The following STXBP4 variants were observed in gnomAD, a reference collection of about 807,000 sequenced individuals.
STXBP4 encodes the protein syntaxin-binding protein 4.
Under a neutral mutation model 76.1 loss-of-function variants are expected in STXBP4, and 55 were observed. That is an observed-to-expected ratio of 0.72 (90% CI 0.58 to 0.91). The LOEUF is 0.91. Among genes scored for constraint, STXBP4 ranks in the 40% least tolerant of loss-of-function variants. The pLI, the probability that STXBP4 is intolerant of heterozygous loss-of-function variation, is 0.00. For synonymous variants in STXBP4, 201 were observed against 220.2 expected (o/e 0.91, Z 0.77); for missense variants, 618 against 636.9 (o/e 0.97, Z 0.32).
intron 1 of STXBP4, among the ~76,000 whole-genome samples, chr17:54,978,767 A>G (rs545581739): frequency 6.8e-4 from 104 of 152,312 alleles, no homozygotes; most frequent in Middle Eastern, 3.4e-3. Flanking sequence ...AACTTAAAGA[A>G]GGAAATAAAA....
At chr17:55,050,744 T>A (rs1350276807) in intron 12 of STXBP4, among the ~76,000 whole-genome samples, 2 of 152,302 alleles carry the variant, frequency 1.3e-5, no homozygotes, top group East Asian at 3.9e-4. Context: ...CTCAGCTCAC[T>A]GCAACCTCCA....
chr17:55,115,192 C>G (rs2079767154), intron 16 of STXBP4, among the ~76,000 whole-genome samples: 3 of 151,780 alleles, frequency 2.0e-5, no homozygotes, highest in Admixed American at 1.3e-4. Context: ...CTGAAGGAAA[C>G]AGACCACTGT....
the STXBP4 span, among the ~76,000 whole-genome samples, chr17:55,197,760 A>T: frequency 1.5e-3 from 228 of 152,092 alleles, 8 homozygotes; most frequent in South Asian, 0.045. Context: ...AAAAAGAAGA[A>T]AAAAGAAAAA....
At chr17:55,080,957 G>C (rs1002669278) in intron 15 of STXBP4, 93 bp from the exon 16 acceptor site, 7 of 1,182,710 alleles carry the variant, frequency 5.9e-6, no homozygotes, top group Admixed American at 6.4e-5. Flanking sequence ...AAATATTTTT[G>C]TACAAATCTA....
rs928343823 is a variant in STXBP4, at chr17:55,162,326, C to T, written c.*2415C>T. The T allele has an allele frequency of 4.6e-5, 7 of 152,166 alleles. No individual in the cohort carries two copies. Among genetic ancestry groups the T allele is most frequent in the African/African-American group, 1.4e-4 (6 of 41,442 alleles). The allele number at this position is 152,166 out of a possible 1,614,324, so 9.4% of individuals were successfully genotyped here. On this transcript the variant is annotated 3_prime_UTR_variant, in exon 18 of 18. Coordinates refer to ENST00000376352, the MANE Select transcript of STXBP4 (RefSeq NM_178509.6). ...CAGTCTTTCTTTAACATCAATCAAC[C>T]GTAGCAATGTGGTCATCACGAAGTC... is the stretch of plus-strand genomic sequence containing the variant.
chr17:55,061,204 G>A (rs1009550428), intron 12 of STXBP4, among the ~76,000 whole-genome samples: 3 of 152,176 alleles, frequency 2.0e-5, no homozygotes, highest in African/African-American at 4.8e-5. Flanking sequence ...TTCAGATGAA[G>A]CAACAAAGGA....
Position 54,997,784 on chromosome 17 carries a change from A to T in STXBP4, c.181-1561A>T, listed in dbSNP as rs149501885. Among the ~76,000 whole-genome samples, 208 of 145,084 alleles carry T rather than the reference A, an allele frequency of 1.4e-3. 6 individuals carry two copies. The East Asian group carries it at 0.038, about 27-fold the overall frequency. On this transcript the variant is annotated intron_variant, in intron 4 of 17. Transcript: ENST00000376352. ...TTTTTTTTTTTGAAAGATGGGGTCT[A>T]ACTATGTTGCCCAGGCTGGTCTTGA...
At chr17:55,180,746 CA>C in the STXBP4 span, among the ~76,000 whole-genome samples, 9 of 152,164 alleles carry the variant, frequency 5.9e-5, no homozygotes, top group Admixed American at 2.6e-4. Context: ...TGTGATATGA[CA>C]GAAAGCCTCC....
chr17:55,013,200 G>A (rs951223777), intron 8 of STXBP4, among the ~76,000 whole-genome samples: 2 of 152,198 alleles, frequency 1.3e-5, no homozygotes, highest in Admixed American at 1.3e-4. Flanking sequence ...GCCATGGGTT[G>A]CAAGCTTGTC....
chr17:55,145,219 C>G (rs961767315), intron 17 of STXBP4, among the ~76,000 whole-genome samples: 4 of 152,102 alleles, frequency 2.6e-5, no homozygotes, highest in African/African-American at 9.7e-5. Context: ...TCTTACTACC[C>G]CAACAAAAAA....
chr17:55,193,786 G>T, the STXBP4 span, among the ~76,000 whole-genome samples: 2 of 124,748 alleles, frequency 1.6e-5, no homozygotes, highest in Admixed American at 9.4e-5. Context: ...TCCTCTGCTT[G>T]TCTTTGCCTT....
chr17:55,156,974 T>G (rs1015205329), intron 17 of STXBP4, among the ~76,000 whole-genome samples: 2 of 152,210 alleles, frequency 1.3e-5, no homozygotes, highest in African/African-American at 4.8e-5. Context: ...TTGATTATTT[T>G]AAATTAGCAA....
At position 55,072,883 on chromosome 17, in the gene STXBP4, A is replaced by T. The variant is rs1256470219; in HGVS notation, c.1012-17A>T. 6.3e-7 allele frequency: 1 copy of T among 1,575,148 alleles called. No individual in the cohort carries two copies. Among genetic ancestry groups the T allele is most frequent in the Non-Finnish European group, 8.6e-7 (1 of 1,163,790 alleles). On this transcript the variant is annotated splice_polypyrimidine_tract_variant and intron_variant, in intron 12 of 17. Transcript: ENST00000376352. Reference sequence around the variant, plus strand: ...TCTTATGTATTTTTTAAATGACATTAATTTTGAAATCTTTAGGAAGCCAAA... The same window carrying T: ...TCTTATGTATTTTTTAAATGACATTTATTTTGAAATCTTTAGGAAGCCAAA...
At chr17:55,026,485 G>A (rs1358358228) in intron 8 of STXBP4, among the ~76,000 whole-genome samples, 1 of 152,036 alleles carries the variant, frequency 6.6e-6, no homozygotes, top group Non-Finnish European at 1.5e-5. Flanking sequence ...ATAAAACCCC[G>A]AAACCCTTTG....
chr17:55,205,433 AG>A, the STXBP4 span, among the ~76,000 whole-genome samples: 2 of 152,176 alleles, frequency 1.3e-5, no homozygotes, highest in African/African-American at 4.8e-5. Context: ...AACAAATGAC[AG>A]ATTTGTCTAC....
intron 16 of STXBP4, among the ~76,000 whole-genome samples, chr17:55,121,124 G>A (rs1223187807): frequency 2.0e-5 from 3 of 152,122 alleles, no homozygotes; most frequent in Non-Finnish European, 4.4e-5. Context: ...GGAAGATTCA[G>A]TACCCTCAAA....
chr17:54,982,597 TGTGTG>T (rs2077566007), intron 1 of STXBP4, among the ~76,000 whole-genome samples: 1 of 16,080 alleles, frequency 6.2e-5, no homozygotes, highest in African/African-American at 1.2e-3. Flanking sequence ...GGGTGGTTTG[TGTGTG>T]TGTGTGTGTG....
At chr17:55,085,265 G>A (rs1222246749) in intron 16 of STXBP4, among the ~76,000 whole-genome samples, 1 of 152,066 alleles carries the variant, frequency 6.6e-6, no homozygotes, top group Non-Finnish European at 1.5e-5. Flanking sequence ...GCTAGATGAC[G>A]AGTTAGTGGG....
rs368190561 is a variant in STXBP4 at position 55,073,007 on chromosome 17, G to A, written c.1119G>A (p.Val373=). 13 of 1,613,860 alleles carry A rather than the reference G, an allele frequency of 8.1e-6. No homozygotes were observed. The highest frequency in any genetic ancestry group is 2.2e-5 in the East Asian group (1 of 44,866). ...AHGMEMDYEE[V]IRLLEAKITE... ...GAATGGAAATGGACTATGAAGAAGT[G>A]ATCCGTCTGTTAGAGGCCAAGATTA... is the stretch of plus-strand genomic sequence containing the variant. Residue 373 remains valine, a synonymous_variant, in exon 13 of 18, where the codon GTG becomes GTA. Transcript: ENST00000376352.
Sources: allele counts gnomAD v4.1 joint callset (sites outside exome capture counted in the v4.1 genomes callset), GRCh38; gene constraint gnomAD v4.1.1; transcripts MANE v1.5; gene names NCBI Gene and HGNC (gene_info 2026-07-23, HGNC 2026-07-21).